GRM4: variants seen among roughly 807,000 people sequenced by gnomAD.
The protein encoded by GRM4 is metabotropic glutamate receptor 4.
GRM4 carries 28 observed loss-of-function variants against 81.7 expected under a neutral mutation model. The observed-to-expected ratio is 0.34, with a 90% CI of 0.25 to 0.47. The LOEUF (loss-of-function observed/expected upper bound fraction) is 0.47, where lower values mean the gene tolerates loss of function less well. Ranked by LOEUF, GRM4 falls within the 20% of genes least tolerant of loss-of-function variation. GRM4 has a pLI of 1.00. For missense variants in GRM4, 948 were observed against 1,290.0 expected, an observed-to-expected ratio of 0.73 and a Z score of 4.06; for synonymous variants, 488 against 528.8, an observed-to-expected ratio of 0.92 and a Z score of 1.06.
chr6:34,050,818 C>T (rs1165925299), intron 6 of GRM4, among the ~76,000 whole-genome samples: 1 of 152,226 alleles, frequency 6.6e-6, no homozygotes, highest in Non-Finnish European at 1.5e-5. Context: ...CCACCATCCA[C>T]TATACCTTGT....
At position 34,136,521 on chromosome 6, in the gene GRM4, G is replaced by A. The variant is rs985497557; in HGVS notation, c.-363-2662C>T. 7.3e-5 allele frequency among the ~76,000 whole-genome samples: 11 copies of A among 151,036 alleles called. No individual in the cohort carries two copies. The highest frequency in any genetic ancestry group is 2.4e-4 in the African/African-American group (10 of 40,998). On this transcript the variant is annotated intron_variant, in intron 1 of 10. Transcript: ENST00000538487. The surrounding 1 kb of genome is among the most constrained non-coding windows in gnomAD (Gnocchi z 4.1). ...AGGGCTCACACTGGCTTCTCCTTGA[G>A]GCCGGAGCACGTCTGGGCTGAGCAG...
In GRM4 at chr6:34,114,849, T is replaced by C. The variant is rs1769524853; in HGVS notation, c.519+18129A>G. 6.6e-6 allele frequency among the ~76,000 whole-genome samples: 1 copy of C among 152,286 alleles called. No homozygotes were observed. The highest frequency in any genetic ancestry group is 1.5e-5 in the Non-Finnish European group (1 of 68,026). ...CCCATCCAGGAAGGACCCAGATTTA[T>C]TCACTCGGCAATCCTGCCCATCCCC... On this transcript the variant is annotated intron_variant, in intron 2 of 10. Coordinates refer to ENST00000538487, the MANE Select transcript of GRM4 (RefSeq NM_000841.4). The surrounding 1 kb of genome is among the most constrained non-coding windows in gnomAD (Gnocchi z 4.3).
Position 34,034,957 on chromosome 6 carries a change from A to G in GRM4, c.2442+711T>C, listed in dbSNP as rs1217249569. On this transcript the variant is annotated intron_variant, in intron 9 of 10. Transcript: ENST00000538487. The surrounding 1 kb of genome is among the most constrained non-coding windows in gnomAD (Gnocchi z 4.0). ...GTGCCCAGGTCCTCGGACCAAGCCA[A>G]CAGGAGGCAGAGGTAGCCACTCTGC... 6.6e-6 allele frequency among the ~76,000 whole-genome samples: 1 copy of G among 152,194 alleles called. No individual in the cohort carries two copies. Among genetic ancestry groups the G allele is most frequent in the African/African-American group, 2.4e-5 (1 of 41,432 alleles).
chr6:34,083,758 T>G (rs1212747043), intron 3 of GRM4, among the ~76,000 whole-genome samples: 1 of 152,168 alleles, frequency 6.6e-6, no homozygotes, highest in Non-Finnish European at 1.5e-5. Flanking sequence ...GCTTTGAAGC[T>G]GCTAAAAGTC....
chr6:34,145,941 G>A, intron 1 of GRM4, 59 bp downstream of exon 1: 3 of 949,226 alleles, frequency 3.2e-6, no homozygotes, highest in Non-Finnish European at 3.8e-6. Context: ...CACCCCACCG[G>A]CGCCCTCTTC....
intron 6 of GRM4, among the ~76,000 whole-genome samples, chr6:34,044,865 CAT>C: frequency 6.8e-6 from 1 of 148,092 alleles, no homozygotes; most frequent in African/African-American, 2.6e-5. Flanking sequence ...CACACACAGA[CAT>C]ACATACACAT....
intron 2 of GRM4, among the ~76,000 whole-genome samples, chr6:34,122,164 G>A (rs1769836706): frequency 6.6e-6 from 1 of 152,058 alleles, no homozygotes; most frequent in South Asian, 2.1e-4. Flanking sequence ...GGCTGAGGCT[G>A]TCCCACACCA....
At position 34,020,266 on chromosome 6, in the gene GRM4, C is replaced by CAGCA. The variant is rs1476923694; in HGVS notation, c.*2551_*2554dup. On this transcript the variant is annotated 3_prime_UTR_variant, in exon 11 of 11. Transcript: ENST00000538487. ...CTGAGAGCCAAGGGGAGCCGAGGGG[C>CAGCA]AGCATCCCCCTTGGAGAGGTGATTC... 2 of 152,288 alleles carry CAGCA rather than the reference C, an allele frequency of 1.3e-5. No homozygotes were observed. Among genetic ancestry groups the CAGCA allele is most frequent in the Non-Finnish European group, 2.9e-5 (2 of 68,104 alleles). 9.4% of individuals were successfully genotyped at this position (152,288 alleles called of 1,614,324 possible).
intron 10 of GRM4, among the ~76,000 whole-genome samples, chr6:34,026,887 T>C (rs1293996062): frequency 6.6e-6 from 1 of 152,124 alleles, no homozygotes; most frequent in African/African-American, 2.4e-5. Context: ...AGAGAGGTGG[T>C]CTGGATGGAA....
chr6:34,129,132 A>C (rs938013359), intron 2 of GRM4, among the ~76,000 whole-genome samples: 7 of 152,004 alleles, frequency 4.6e-5, no homozygotes, highest in Non-Finnish European at 5.9e-5. Flanking sequence ...CTCCTGCCTC[A>C]GCCTGCCGAG....
intron 3 of GRM4, among the ~76,000 whole-genome samples, chr6:34,072,436 ACACT>A (rs1004615620): frequency 3.5e-5 from 5 of 144,628 alleles, no homozygotes; most frequent in South Asian, 2.2e-4. Context: ...CAGCACACAC[ACACT>A]CACCACACGC....
intron 2 of GRM4, among the ~76,000 whole-genome samples, chr6:34,093,754 T>A (rs1482850157): frequency 6.6e-6 from 1 of 152,186 alleles, no homozygotes; most frequent in Admixed American, 6.5e-5. Context: ...GCCAAAAGCA[T>A]GGCCCAGCTC....
In GRM4 at chr6:34,136,085, C is replaced by A. The variant is rs1469999547; in HGVS notation, c.-363-2226G>T. On this transcript the variant is annotated intron_variant, in intron 1 of 10. Coordinates refer to ENST00000538487, the MANE Select transcript of GRM4 (RefSeq NM_000841.4). This position sits in a 1 kb window ranked among gnomAD's most constrained non-coding sequence, Gnocchi z 4.1. Reference sequence around the variant, plus strand: ...CCGACGGTGCCTCGTGGAGAAATCACAGCAAAAGACAACCACTGCCATGTG... The same window carrying A: ...CCGACGGTGCCTCGTGGAGAAATCAAAGCAAAAGACAACCACTGCCATGTG... Among the ~76,000 whole-genome samples the A allele has an allele frequency of 1.3e-5, 2 of 152,230 alleles. No homozygotes were observed. Among genetic ancestry groups the A allele is most frequent in the Non-Finnish European group, 2.9e-5 (2 of 68,044 alleles).
intron 8 of GRM4, among the ~76,000 whole-genome samples, chr6:34,038,207 G>T (rs1355035905): frequency 6.6e-6 from 1 of 152,224 alleles, no homozygotes; most frequent in Non-Finnish European, 1.5e-5. Flanking sequence ...CAGTTCTGTT[G>T]CTACCTGGCT....
intron 2 of GRM4, chr6:34,104,001 C>T (rs1425314476): frequency 1.6e-5 from 6 of 384,872 alleles, no homozygotes; most frequent in Admixed American, 4.8e-5. Context: ...ACCCTCACCA[C>T]GGCCCCGAGG....
intron 2 of GRM4, among the ~76,000 whole-genome samples, chr6:34,122,838 T>G (rs940864620): frequency 1.3e-5 from 2 of 152,168 alleles, no homozygotes; most frequent in African/African-American, 4.8e-5. Context: ...AACTCAGAAC[T>G]GTGGGGAGAG....
intron 3 of GRM4, among the ~76,000 whole-genome samples, chr6:34,065,108 T>G (rs1766387025): frequency 1.3e-5 from 2 of 152,048 alleles, no homozygotes. Context: ...GTTGTTTAGG[T>G]GGGTTCATGT....
intron 2 of GRM4, among the ~76,000 whole-genome samples, chr6:34,128,218 C>G (rs1447438247): frequency 6.6e-6 from 1 of 152,228 alleles, no homozygotes; most frequent in African/African-American, 2.4e-5. Context: ...AGGTCACCGT[C>G]TGTCGCTGCC....
At position 34,068,157 on chromosome 6, in the gene GRM4, C is replaced by CGG. The variant is rs371301795; in HGVS notation, c.737-6131_737-6130dup. 1.3e-5 allele frequency among the ~76,000 whole-genome samples: 2 copies of CGG among 152,020 alleles called. No individual in the cohort carries two copies. The highest frequency in any genetic ancestry group is 4.8e-5 in the African/African-American group (2 of 41,400). On this transcript the variant is annotated intron_variant, in intron 3 of 10. Coordinates refer to ENST00000538487, the MANE Select transcript of GRM4 (RefSeq NM_000841.4). The surrounding 1 kb of genome is among the most constrained non-coding windows in gnomAD (Gnocchi z 4.2). Reference sequence around the variant, plus strand: ...AGCAGCATGACGTGCTGGAGGGAGACGGGGGGGCTGCATCCCCTCAGCCCA... The same window carrying CGG: ...AGCAGCATGACGTGCTGGAGGGAGACGGGGGGGGGCTGCATCCCCTCAGCCCA...
Sources: gnomAD v4.1 joint callset for allele counts (sites outside exome capture counted in the v4.1 genomes callset) on GRCh38, gnomAD v4.1.1 for gene constraint, Gnocchi (gnomAD v3.1) non-coding constraint, MANE v1.5 for transcripts, NCBI Gene and HGNC (gene_info 2026-07-23, HGNC 2026-07-21) for gene names.